The following DAPL1 variants were observed in gnomAD, a reference collection of about 807,000 sequenced individuals.
The protein encoded by DAPL1 is death-associated protein-like 1.
A neutral mutation model predicts 12.9 loss-of-function variants in DAPL1; 17 were observed. That is an observed-to-expected ratio of 1.32 (90% CI 0.90 to 1.98). The LOEUF (loss-of-function observed/expected upper bound fraction) is 1.98. Among genes scored for constraint, DAPL1 ranks in the 30% most tolerant of loss-of-function variants. The pLI is 0.00. For synonymous variants in DAPL1, 51 were observed against 42.0 expected (o/e 1.21, Z -0.82); for missense variants, 157 against 125.7 (o/e 1.25, Z -1.19).
At chr2:158,805,148 G>A (rs1210722393) in intron 2 of DAPL1, among the ~76,000 whole-genome samples, 3 of 152,184 alleles carry the variant, frequency 2.0e-5, no homozygotes, top group Non-Finnish European at 4.4e-5. Flanking sequence ...ACCTCCATAA[G>A]AGTTAAACCA....
chr2:158,804,415 G>T (rs2059188111), intron 2 of DAPL1, 46 bp downstream of exon 2: 2 of 1,386,954 alleles, frequency 1.4e-6, no homozygotes, highest in Admixed American at 3.9e-5. Context: ...AGTTTTGAGT[G>T]ACTCTGCCTC....
rs900590135 is a variant in DAPL1, at chr2:158,810,098, A to G, written c.207+2983A>G. 1.2e-4 allele frequency among the ~76,000 whole-genome samples: 19 copies of G among 152,354 alleles called. 2 individuals are homozygous for G. Among genetic ancestry groups the G allele is most frequent in the Admixed American group, 6.5e-4 (10 of 15,310 alleles). Reference sequence around the variant, plus strand: ...CTTGTCAAGACTCATAAAGCAGCACATGAAAAAGCGTAAATTTTACTGTAG... The same window carrying G: ...CTTGTCAAGACTCATAAAGCAGCACGTGAAAAAGCGTAAATTTTACTGTAG... On this transcript the variant is annotated intron_variant, in intron 3 of 3. Transcript: ENST00000309950.
chr2:158,807,494 T>C (rs2059209051), intron 3 of DAPL1, among the ~76,000 whole-genome samples: 1 of 152,118 alleles, frequency 6.6e-6, no homozygotes, highest in Non-Finnish European at 1.5e-5. Flanking sequence ...TGTGTTCCTA[T>C]AAGGAGATAT....
chr2:158,814,996 T>C (rs2059252590), intron 3 of DAPL1, among the ~76,000 whole-genome samples: 2 of 152,250 alleles, frequency 1.3e-5, no homozygotes, highest in African/African-American at 4.8e-5. Flanking sequence ...TAAGCTATCA[T>C]TAATGTAAAT....
intron 3 of DAPL1, among the ~76,000 whole-genome samples, chr2:158,809,277 G>A (rs2059217701): frequency 6.8e-6 from 1 of 146,650 alleles, no homozygotes; most frequent in Non-Finnish European, 1.5e-5. Flanking sequence ...AGAATTGCTT[G>A]AACCCGGGAG....
chr2:158,809,052 G>T (rs1379613063), intron 3 of DAPL1, among the ~76,000 whole-genome samples: 1 of 152,010 alleles, frequency 6.6e-6, no homozygotes, highest in Non-Finnish European at 1.5e-5. Context: ...ACATTGAGAT[G>T]GTGTGCTGTT....
chr2:158,811,749 A>T (rs1443801679), intron 3 of DAPL1, among the ~76,000 whole-genome samples: 1 of 152,162 alleles, frequency 6.6e-6, no homozygotes, highest in Non-Finnish European at 1.5e-5. Context: ...ACCCTAATGA[A>T]TGAGACAAGA....
chr2:158,815,650 T>G, intron 3 of DAPL1, 55 bp from the exon 4 acceptor site: 1 of 1,099,182 alleles, frequency 9.1e-7, no homozygotes, highest in Non-Finnish European at 1.4e-6. Context: ...TAGTTTAATA[T>G]TTCATGACCA....
At chr2:158,802,166 A>C (rs1014431271) in intron 1 of DAPL1, among the ~76,000 whole-genome samples, 4 of 152,250 alleles carry the variant, frequency 2.6e-5, no homozygotes, top group African/African-American at 9.6e-5. Flanking sequence ...GAGATTCTAA[A>C]CTGGTGCAAC....
chr2:158,806,225 A>G (rs1158196628), intron 2 of DAPL1, among the ~76,000 whole-genome samples: 2 of 134,792 alleles, frequency 1.5e-5, no homozygotes, highest in Non-Finnish European at 3.5e-5. Flanking sequence ...AAACCAACAC[A>G]AACCATCCAG....
chr2:158,805,003 A>G (rs574235202), intron 2 of DAPL1, among the ~76,000 whole-genome samples: 2 of 152,278 alleles, frequency 1.3e-5, no homozygotes, highest in East Asian at 3.9e-4. Flanking sequence ...GGAAAACCAG[A>G]GCATTCCAAA....
At chr2:158,795,741 G>A (rs899303527) in intron 1 of DAPL1, among the ~76,000 whole-genome samples, 13 of 151,190 alleles carry the variant, frequency 8.6e-5, no homozygotes, top group Admixed American at 3.3e-4. Context: ...CTTTCACGGG[G>A]CCCTGGCTGT....
chr2:158,809,513 G>T (rs923074412), intron 3 of DAPL1, among the ~76,000 whole-genome samples: 2 of 152,142 alleles, frequency 1.3e-5, no homozygotes, highest in Non-Finnish European at 2.9e-5. Context: ...AGGCTGCCGG[G>T]TTCCTGTGTT....
At chr2:158,808,646 C>T (rs966081293) in intron 3 of DAPL1, among the ~76,000 whole-genome samples, 10 of 152,216 alleles carry the variant, frequency 6.6e-5, no homozygotes, top group African/African-American at 2.4e-4. Flanking sequence ...AAGTGACTCT[C>T]TGCCTTCCTG....
intron 3 of DAPL1, among the ~76,000 whole-genome samples, chr2:158,808,124 C>T (rs946694128): frequency 3.3e-5 from 5 of 152,216 alleles, no homozygotes; most frequent in African/African-American, 9.7e-5. Context: ...TATAGAGCCA[C>T]TCTTTCTGCT....
At chr2:158,807,357 T>A (rs1277889314) in intron 3 of DAPL1, among the ~76,000 whole-genome samples, 1 of 152,212 alleles carries the variant, frequency 6.6e-6, no homozygotes, top group Non-Finnish European at 1.5e-5. Context: ...AAAGTGGGAA[T>A]CATGATGGTG....
At position 158,815,795 on chromosome 2, in the gene DAPL1, A is replaced by T. The variant is rs1048272991; in HGVS notation, c.298A>T (p.Ile100Phe). 1.9e-6 allele frequency: 3 copies of T among 1,613,372 alleles called. No individual in the cohort carries two copies. The highest frequency in any genetic ancestry group is 2.7e-5 in the African/African-American group (2 of 74,920). Reference sequence around the variant, plus strand: ...GGTTGTTCCACTGAAAAGGATCTACATTATTCAGCAGCCTCGAAAATGTTA... The same window carrying T: ...GGTTGTTCCACTGAAAAGGATCTACTTTATTCAGCAGCCTCGAAAATGTTA... ...EKVVPLKRIY[I>F]IQQPRKC The change falls in exon 4 of 4, where the codon ATT (isoleucine) becomes TTT (phenylalanine). Residue 100 changes from isoleucine to phenylalanine, a missense_variant. Coordinates refer to ENST00000309950, the MANE Select transcript of DAPL1 (RefSeq NM_001017920.3).
At chr2:158,813,458 T>C (rs1476856037) in intron 3 of DAPL1, among the ~76,000 whole-genome samples, 1 of 152,162 alleles carries the variant, frequency 6.6e-6, no homozygotes, top group Non-Finnish European at 1.5e-5. Context: ...CTCTAAATTG[T>C]GGAGATCACC....
chr2:158,795,591 G>C (rs1008552269), intron 1 of DAPL1, among the ~76,000 whole-genome samples, 161 bp downstream of exon 1: 1 of 152,140 alleles, frequency 6.6e-6, no homozygotes, highest in East Asian at 1.9e-4. Context: ...ATCCTTCTTA[G>C]CTTGTATGTA....
Sources: gnomAD v4.1 joint callset for allele counts (sites outside exome capture counted in the v4.1 genomes callset) on GRCh38, gnomAD v4.1.1 for gene constraint, MANE v1.5 for transcripts, NCBI Gene and HGNC (gene_info 2026-07-23, HGNC 2026-07-21) for gene names.